ZFAND3: variants seen among roughly 807,000 people sequenced by gnomAD.
ZFAND3 encodes zinc finger AN1-type containing 3.
In ZFAND3, 10 loss-of-function variants were observed where a neutral mutation model predicts 29.6. The ratio of observed to expected loss-of-function variants is 0.34; its 90% confidence interval spans 0.21 to 0.57. ZFAND3 has a LOEUF of 0.57. Ranked by LOEUF, ZFAND3 falls within the 20% of genes least tolerant of loss-of-function variation. The pLI, the probability that ZFAND3 is intolerant of heterozygous loss-of-function variation, is 0.86. For synonymous variants in ZFAND3, 128 were observed against 112.6 expected, an observed-to-expected ratio of 1.14 and a Z score of -0.87; for missense variants, 230 against 304.5, an observed-to-expected ratio of 0.76 and a Z score of 1.82.
At chr6:38,032,180 A>G (rs1326168502) in intron 2 of ZFAND3, among the ~76,000 whole-genome samples, 2 of 152,164 alleles carry the variant, frequency 1.3e-5, no homozygotes, top group Non-Finnish European at 2.9e-5. Flanking sequence ...CTATGTTACT[A>G]TAAGAGTGCT....
chr6:37,865,874 A>G lies in ZFAND3; in HGVS notation c.71+45858A>G, dbSNP rs76097857. ...AAAAGTGCAAAAACTTCTCTTTTCC[A>G]ACTATGAAACTAGGAGTGGGGCTTT... On this transcript the variant is annotated intron_variant, in intron 1 of 5. Transcript: ENST00000287218. 5.7e-3 allele frequency among the ~76,000 whole-genome samples: 865 copies of G among 152,288 alleles called. 7 individuals carry two copies. Among genetic ancestry groups the G allele is most frequent in the African/African-American group, 0.02 (828 of 41,554 alleles).
In ZFAND3 at chr6:37,949,214, C is replaced by G. The variant is rs552377891; in HGVS notation, c.112+19215C>G. Among the ~76,000 whole-genome samples the G allele has an allele frequency of 2.0e-5, 3 of 152,202 alleles. No individual in the cohort carries two copies. In the South Asian group the frequency reaches 6.2e-4, roughly 32 times the overall value. Reference sequence around the variant, plus strand: ...TTTGCATTTCTCTAATGATTATTGACTTTGAGCATTTTTTCATGTTTGTTG... The same window carrying G: ...TTTGCATTTCTCTAATGATTATTGAGTTTGAGCATTTTTTCATGTTTGTTG... On this transcript the variant is annotated intron_variant, in intron 2 of 5. Transcript: ENST00000287218.
chr6:37,822,708 C>A (rs1025576130), intron 1 of ZFAND3, among the ~76,000 whole-genome samples: 1 of 152,096 alleles, frequency 6.6e-6, no homozygotes, highest in Non-Finnish European at 1.5e-5. Context: ...GAGAAAGTGA[C>A]ACTTTAGCCT....
chr6:37,862,795 T>C (rs1242611503), intron 1 of ZFAND3, among the ~76,000 whole-genome samples: 3 of 151,926 alleles, frequency 2.0e-5, no homozygotes, highest in African/African-American at 7.3e-5. Context: ...TCTCCACGTA[T>C]TCATGTCAGT....
intron 2 of ZFAND3, among the ~76,000 whole-genome samples, chr6:38,032,983 G>A (rs561950931): frequency 1.3e-5 from 2 of 152,048 alleles, no homozygotes; most frequent in East Asian, 1.9e-4. Context: ...TTGCCTCCCC[G>A]GAATGCTAAT....
intron 1 of ZFAND3, among the ~76,000 whole-genome samples, chr6:37,859,891 G>A (rs1362320698): frequency 3.1e-5 from 4 of 129,062 alleles, no homozygotes; most frequent in Middle Eastern, 4.4e-3. Flanking sequence ...CTTTTTTTGA[G>A]ATAGACTCTT....
At chr6:37,989,255 T>C (rs1208807539) in intron 2 of ZFAND3, among the ~76,000 whole-genome samples, 4 of 152,214 alleles carry the variant, frequency 2.6e-5, no homozygotes, top group Non-Finnish European at 5.9e-5. Flanking sequence ...CATAGGGATA[T>C]AGCAGAAAAT....
At chr6:38,106,255 C>T (rs942532515) in intron 4 of ZFAND3, among the ~76,000 whole-genome samples, 2 of 152,018 alleles carry the variant, frequency 1.3e-5, no homozygotes, top group African/African-American at 2.4e-5. Flanking sequence ...CAGGTTCAAG[C>T]GATTCTCCTG....
chr6:37,967,990 G>C (rs2127427207), intron 2 of ZFAND3, among the ~76,000 whole-genome samples: 1 of 152,232 alleles, frequency 6.6e-6, no homozygotes, highest in Non-Finnish European at 1.5e-5. Context: ...AACATTAAAG[G>C]TTCCCTAAAA....
intron 2 of ZFAND3, among the ~76,000 whole-genome samples, chr6:37,959,642 T>C (rs1423036618): frequency 1.3e-5 from 2 of 152,188 alleles, no homozygotes; most frequent in African/African-American, 2.4e-5. Flanking sequence ...ATGTAGACAT[T>C]ATTGGAACTT....
intron 5 of ZFAND3, among the ~76,000 whole-genome samples, chr6:38,149,008 C>T (rs1355862116): frequency 1.3e-5 from 2 of 152,136 alleles, no homozygotes; most frequent in Non-Finnish European, 2.9e-5. Context: ...CTCATTGCTA[C>T]CAGCGCTGCT....
intron 2 of ZFAND3, among the ~76,000 whole-genome samples, chr6:37,935,916 A>G (rs1761689776): frequency 6.6e-6 from 1 of 152,244 alleles, no homozygotes; most frequent in Non-Finnish European, 1.5e-5. Flanking sequence ...AATACATATG[A>G]AAAGTCAAGC....
chr6:37,977,871 T>TTCCTTCCTTCCTTCCTTCCTTC (rs1762514430), intron 2 of ZFAND3, among the ~76,000 whole-genome samples: 2 of 38,918 alleles, frequency 5.1e-5, no homozygotes, highest in African/African-American at 1.4e-4. Flanking sequence ...TTCCTTCCTT[T>TTCCTTCCTTCCTTCCTTCCTTC]CCTTCTTCCT....
chr6:38,062,741 A>C (rs1764266726), intron 3 of ZFAND3: 1 of 152,176 alleles, frequency 6.6e-6, no homozygotes, highest in Admixed American at 6.5e-5. Flanking sequence ...CCCTGGCGGT[A>C]TGTGAGATAT....
chr6:37,961,504 G>A (rs12524157), intron 2 of ZFAND3, among the ~76,000 whole-genome samples: 31,048 of 152,216 alleles, frequency 0.2, 3,745 homozygotes, highest in Admixed American at 0.33. Context: ...GACACTGAGC[G>A]AACAGAGGTG....
At position 37,891,597 on chromosome 6, in the gene ZFAND3, A is replaced by C. The variant is rs544121074; in HGVS notation, c.72-38362A>C. Among the ~76,000 whole-genome samples, 467 of 150,780 alleles carry C rather than the reference A, an allele frequency of 3.1e-3. 3 individuals are homozygous for C. The highest frequency in any genetic ancestry group is 0.011 in the African/African-American group (444 of 40,578). The stretch of plus-strand genomic sequence containing the variant: ...AGCCTGGGCTAAATAAATAAATAAT[A>C]AATAAATAAATAAATCATAGAACAA... On this transcript the variant is annotated intron_variant, in intron 1 of 5. Transcript: ENST00000287218.
chr6:37,850,492 A>AGGT (rs1304478622), intron 1 of ZFAND3, among the ~76,000 whole-genome samples: 2 of 152,178 alleles, frequency 1.3e-5, no homozygotes, highest in Non-Finnish European at 2.9e-5. Context: ...ACAAATACGA[A>AGGT]GGTGGTCCTA....
intron 2 of ZFAND3, among the ~76,000 whole-genome samples, chr6:38,012,466 C>G (rs1763173491): frequency 6.6e-6 from 1 of 151,422 alleles, no homozygotes; most frequent in Non-Finnish European, 1.5e-5. Context: ...GCAACCTCCG[C>G]CTCCCGGGTT....
At chr6:37,934,236 G>A (rs1215225338) in intron 2 of ZFAND3, among the ~76,000 whole-genome samples, 5 of 151,518 alleles carry the variant, frequency 3.3e-5, no homozygotes, top group Non-Finnish European at 7.4e-5. Flanking sequence ...TGGCTGGAGT[G>A]CAGTGGTGCC....
Sources: gnomAD v4.1 joint callset for allele counts (sites outside exome capture counted in the v4.1 genomes callset) on GRCh38, gnomAD v4.1.1 for gene constraint, MANE v1.5 for transcripts, NCBI Gene and HGNC (gene_info 2026-07-23, HGNC 2026-07-21) for gene names.